Variants in PBX3 observed in about 807,000 individuals in gnomAD.
The protein encoded by PBX3 is PBX homeobox 3.
In PBX3, 14 loss-of-function variants were observed where a neutral mutation model predicts 48.5. That is an observed-to-expected ratio of 0.29 (90% CI 0.19 to 0.45). The LOEUF is 0.45. PBX3 is among the 20% of genes least tolerant of loss of function. The probability of loss-of-function intolerance (pLI) is 1.00; values close to 1 mark genes in which losing one functional copy is unlikely to be tolerated. For missense variants in PBX3, 386 were observed against 546.7 expected (o/e 0.71, Z 2.93); for synonymous variants, 210 against 200.3 (o/e 1.05, Z -0.41).
At chr9:125,933,973 A>C (rs756743901) in intron 4 of PBX3, among the ~76,000 whole-genome samples, 10 of 151,990 alleles carry the variant, frequency 6.6e-5, no homozygotes, top group Non-Finnish European at 1.3e-4. Context: ...CTCCTGCAAA[A>C]ATGCTAACTG....
At chr9:125,892,034 C>CCCGGCCTCCCGAGTAGG (rs899517645) in intron 2 of PBX3, among the ~76,000 whole-genome samples, 4 of 152,116 alleles carry the variant, frequency 2.6e-5, no homozygotes, top group African/African-American at 9.7e-5. Context: ...ATTCTCCTGC[C>CCCGGCCTCCCGAGTAGG]CCGGCCTCCC....
chr9:125,941,549 G>A (rs954260071), intron 5 of PBX3, among the ~76,000 whole-genome samples: 1 of 152,186 alleles, frequency 6.6e-6, no homozygotes, highest in African/African-American at 2.4e-5. Context: ...ACTGGGTTCT[G>A]GATAAATTGT....
intron 2 of PBX3, among the ~76,000 whole-genome samples, chr9:125,815,693 GGTGTGTGT>G (rs35255670): frequency 1.3e-5 from 2 of 149,592 alleles, no homozygotes; most frequent in African/African-American, 4.9e-5. Context: ...GCAGTGACTG[GGTGTGTGT>G]GTGTGTGTGT....
intron 2 of PBX3, among the ~76,000 whole-genome samples, chr9:125,780,150 G>A (rs1189671185): frequency 2.0e-4 from 27 of 131,724 alleles, no homozygotes; most frequent in South Asian, 1.5e-3. Context: ...GGGCAGAGGC[G>A]CCCCTCACCT....
At chr9:125,812,457 T>G (rs761837453) in intron 2 of PBX3, among the ~76,000 whole-genome samples, 7 of 152,350 alleles carry the variant, frequency 4.6e-5, no homozygotes, top group Non-Finnish European at 8.8e-5. Flanking sequence ...GGATTTGCTT[T>G]GTTTCTTTTC....
intron 5 of PBX3, among the ~76,000 whole-genome samples, chr9:125,944,966 T>C (rs2132557321): frequency 6.6e-6 from 1 of 152,322 alleles, no homozygotes; most frequent in African/African-American, 2.4e-5. Context: ...CTCACACCTG[T>C]AATCCCAGCA....
At chr9:125,829,766 G>C (rs886865465) in intron 2 of PBX3, among the ~76,000 whole-genome samples, 5 of 152,190 alleles carry the variant, frequency 3.3e-5, no homozygotes, top group African/African-American at 1.2e-4. Context: ...TCTAATTGAA[G>C]AGTTAGAGTG....
chr9:125,951,872 C>G (rs1043843369), intron 5 of PBX3, among the ~76,000 whole-genome samples: 3 of 152,174 alleles, frequency 2.0e-5, no homozygotes, highest in Admixed American at 1.3e-4. Context: ...GCGTGCCCAG[C>G]CTTTCTGTCC....
intron 5 of PBX3, among the ~76,000 whole-genome samples, chr9:125,951,019 G>A (rs1842184002): frequency 6.6e-6 from 1 of 152,102 alleles, no homozygotes; most frequent in Non-Finnish European, 1.5e-5. Context: ...AATGAAACGG[G>A]CTTTGTAACC....
chr9:125,854,520 A>C (rs1247604556), intron 2 of PBX3, among the ~76,000 whole-genome samples: 1 of 152,144 alleles, frequency 6.6e-6, no homozygotes, highest in Non-Finnish European at 1.5e-5. Flanking sequence ...GTATTTGCAG[A>C]ATTGTTAGTG....
At chr9:125,841,384 A>T (rs910637895) in intron 2 of PBX3, among the ~76,000 whole-genome samples, 1 of 152,148 alleles carries the variant, frequency 6.6e-6, no homozygotes, top group Non-Finnish European at 1.5e-5. Flanking sequence ...AATGTTGTAG[A>T]TGATTCTTTT....
chr9:125,913,148 CT>C (rs1364078415), intron 2 of PBX3, among the ~76,000 whole-genome samples: 1 of 152,030 alleles, frequency 6.6e-6, no homozygotes, highest in African/African-American at 2.4e-5. Context: ...TGATAGTCTT[CT>C]TCTTGTTGCC....
intron 2 of PBX3, among the ~76,000 whole-genome samples, chr9:125,846,853 T>A (rs1159364388): frequency 6.6e-6 from 1 of 151,994 alleles, no homozygotes; most frequent in Admixed American, 6.6e-5. Context: ...CTCATTGCAG[T>A]TGGTTGATAT....
At chr9:125,768,565 A>G (rs933682206) in intron 2 of PBX3, among the ~76,000 whole-genome samples, 1 of 152,238 alleles carries the variant, frequency 6.6e-6, no homozygotes, top group African/African-American at 2.4e-5. Context: ...AAACAAAACT[A>G]AGCAAAACTA....
At chr9:125,779,715 C>A (rs1300566398) in intron 2 of PBX3, among the ~76,000 whole-genome samples, 78 of 144,360 alleles carry the variant, frequency 5.4e-4, no homozygotes, top group African/African-American at 2.0e-3. Flanking sequence ...CACCTTTTCC[C>A]CCTTTCTATT....
At chr9:125,934,739 C>T (rs1387584358) in intron 4 of PBX3, among the ~76,000 whole-genome samples, 3 of 152,008 alleles carry the variant, frequency 2.0e-5, no homozygotes, top group African/African-American at 7.3e-5. Flanking sequence ...CTCCCTCACT[C>T]ACTCCTCCCA....
At chr9:125,777,197 A>C (rs1837097083) in intron 2 of PBX3, among the ~76,000 whole-genome samples, 2 of 151,658 alleles carry the variant, frequency 1.3e-5, no homozygotes. Context: ...TACTTTTAGT[A>C]GAGATGGGAT....
chr9:125,792,355 G>A (rs541424544), intron 2 of PBX3, among the ~76,000 whole-genome samples: 1 of 152,310 alleles, frequency 6.6e-6, no homozygotes, highest in Admixed American at 6.5e-5. Flanking sequence ...GGTGCTTAGT[G>A]TCAGAAATAT....
intron 2 of PBX3, among the ~76,000 whole-genome samples, chr9:125,783,080 A>T (rs1368952024): frequency 6.6e-6 from 1 of 152,146 alleles, no homozygotes; most frequent in African/African-American, 2.4e-5. Context: ...GTATAATTTA[A>T]TGTCTTTTAT....
Sources: allele counts gnomAD v4.1 joint callset (sites outside exome capture counted in the v4.1 genomes callset), GRCh38; gene constraint gnomAD v4.1.1; transcripts MANE v1.5; gene names NCBI Gene and HGNC (gene_info 2026-07-23, HGNC 2026-07-21).